The following KLRD1 variants were observed in gnomAD, a reference collection of about 807,000 sequenced individuals.
KLRD1 encodes killer cell lectin like receptor D1, also known as natural killer cells antigen CD94.
A neutral mutation model predicts 22.6 loss-of-function variants in KLRD1; 21 were observed. That is an observed-to-expected ratio of 0.93 (90% CI 0.66 to 1.34). The LOEUF is 1.34. Among genes scored for constraint, KLRD1 ranks in the 40% most tolerant of loss-of-function variants. The pLI is 0.00. For synonymous variants in KLRD1, 59 were observed against 71.1 expected (o/e 0.83, Z 0.85); for missense variants, 183 against 208.6 (o/e 0.88, Z 0.76).
rs569684232 is a variant in KLRD1, at chr12:10,297,494, A to C, written c.-100-10484A>C. Among the ~76,000 whole-genome samples, 4 of 152,268 alleles carry C rather than the reference A, an allele frequency of 2.6e-5. No individual in the cohort carries two copies. In the South Asian group the frequency reaches 6.2e-4, roughly 24 times the overall value. ...TAAATTTCTGTCTTTACCTAAGAAT[A>C]TTAAAAACTCAATAAAATAATTTTA... On this transcript the variant is annotated intron_variant, in intron 1 of 5. Coordinates refer to the KLRD1 transcript ENST00000544747.
upstream of KLRD1, among the ~76,000 whole-genome samples, chr12:10,301,384 CAT>C (rs1949865021): frequency 6.6e-6 from 1 of 152,190 alleles, no homozygotes; most frequent in African/African-American, 2.4e-5. Flanking sequence ...GAAACTGACA[CAT>C]GATAGAATGC....
intron 1 of KLRD1, among the ~76,000 whole-genome samples, chr12:10,245,247 A>G (rs967016155): frequency 6.6e-6 from 1 of 152,130 alleles, no homozygotes; most frequent in African/African-American, 2.4e-5. Context: ...AATCCCAGCT[A>G]CTCAGGAGGC....
Position 10,318,336 on chromosome 12 carries a change from T to A in KLRD1, c.*3543T>A, listed in dbSNP as rs1004891992. The A allele has an allele frequency of 6.6e-6, 1 of 152,170 alleles. No individual in the cohort carries two copies. Among genetic ancestry groups the A allele is most frequent in the Non-Finnish European group, 1.5e-5 (1 of 68,032 alleles). 9.4% of individuals were successfully genotyped at this position (152,170 alleles called of 1,614,324 possible). Reference sequence around the variant, plus strand: ...AATTTGTTTATTGATAGCTTCCATATGAGATAATTACAGATCTTGTCTCTG... The same window carrying A: ...AATTTGTTTATTGATAGCTTCCATAAGAGATAATTACAGATCTTGTCTCTG... On this transcript the variant is annotated 3_prime_UTR_variant, in exon 6 of 6. Transcript: ENST00000336164.
At position 10,322,900 on chromosome 12, in the gene KLRD1, T is replaced by C. The variant is rs550924619; in HGVS notation, c.*8107T>C. The C allele has an allele frequency of 6.6e-6, 1 of 152,322 alleles. No individual in the cohort carries two copies. The highest frequency in any genetic ancestry group is 2.1e-4 in the South Asian group (1 of 4,822). 9.4% of individuals were successfully genotyped at this position (152,322 alleles called of 1,614,324 possible). On this transcript the variant is annotated 3_prime_UTR_variant, in exon 6 of 6. Transcript: ENST00000336164. ...AATATAGGTTTATTTAGCCTGTTCT[T>C]TAATTTCATATAAATGGAAGCTTAG... is the stretch of plus-strand genomic sequence containing the variant.
chr12:10,244,760 G>A (rs1252161737), intron 1 of KLRD1, among the ~76,000 whole-genome samples: 1 of 151,768 alleles, frequency 6.6e-6, no homozygotes, highest in East Asian at 1.9e-4. Context: ...TCCAGCCTGG[G>A]CAACATGAGC....
intron 1 of KLRD1, among the ~76,000 whole-genome samples, chr12:10,270,655 A>T (rs1232601070): frequency 1.3e-5 from 2 of 152,148 alleles, no homozygotes; most frequent in Admixed American, 1.3e-4. Flanking sequence ...TCCTGAGAAG[A>T]TATTAATATT....
rs561043468 is a variant in KLRD1, at chr12:10,242,928, C to T, written c.-101+16695C>T. On this transcript the variant is annotated intron_variant, in intron 1 of 5. Transcript: ENST00000544747. ...ATTTTAAAAATGTGGTATATATACA[C>T]GGTGAAATACTATTCACCCTTAAAA... 9.9e-4 allele frequency among the ~76,000 whole-genome samples: 151 copies of T among 152,190 alleles called. 2 individuals are homozygous for T. Among genetic ancestry groups the T allele is most frequent in the African/African-American group, 3.3e-3 (136 of 41,514 alleles).
At chr12:10,303,002 C>T (rs887441577), upstream of KLRD1, among the ~76,000 whole-genome samples, 5 of 152,202 alleles carry the variant, frequency 3.3e-5, no homozygotes, top group African/African-American at 1.2e-4. Flanking sequence ...TATTATCATG[C>T]TTGCCTTAAG....
chr12:10,289,133 G>A (rs146639673), intron 1 of KLRD1, among the ~76,000 whole-genome samples: 521 of 152,226 alleles, frequency 3.4e-3, no homozygotes, highest in Admixed American at 5.0e-3. Flanking sequence ...GTGACATTAC[G>A]CGGGCTTTGG....
chr12:10,254,284 A>T lies in KLRD1; in HGVS notation c.-101+28051A>T, dbSNP rs7975901. On this transcript the variant is annotated intron_variant, in intron 1 of 5. Transcript: ENST00000544747. ...TCTACTAAAAATACAAAAAATTAGC[A>T]GGGCGCGGTGGAGGGCGCCTGTAGT... Among the ~76,000 whole-genome samples, 213 of 151,332 alleles carry T rather than the reference A, an allele frequency of 1.4e-3. 1 individual carries two copies. Among genetic ancestry groups the T allele is most frequent in the African/African-American group, 4.8e-3 (198 of 41,288 alleles).
At chr12:10,287,061 G>A (rs1326395050) in intron 1 of KLRD1, among the ~76,000 whole-genome samples, 3 of 152,182 alleles carry the variant, frequency 2.0e-5, no homozygotes, top group Middle Eastern at 3.4e-3. Flanking sequence ...GCTTGAACCC[G>A]GGAGGCAGAG....
chr12:10,315,017 T>C lies in KLRD1; in HGVS notation c.*224T>C, dbSNP rs927979850. The C allele has an allele frequency of 4.7e-5, 16 of 341,970 alleles. No homozygotes were observed. Among genetic ancestry groups the C allele is most frequent in the Non-Finnish European group, 7.1e-5 (14 of 195,920 alleles). 21.2% of individuals were successfully genotyped at this position (341,970 alleles called of 1,614,324 possible). A position where few individuals can be genotyped will look rare whatever the true frequency, so the allele number is the denominator to read the frequency against. On this transcript the variant is annotated 3_prime_UTR_variant, in exon 6 of 6. Transcript: ENST00000336164. ...TAAAATTAACATAAAGAATTTTGTATTTTCATTTAATGTATATATTTAATG... is the reference window on the plus strand; with the variant it reads ...TAAAATTAACATAAAGAATTTTGTACTTTCATTTAATGTATATATTTAATG...
At chr12:10,278,128 C>A (rs929323958) in intron 1 of KLRD1, among the ~76,000 whole-genome samples, 2 of 152,172 alleles carry the variant, frequency 1.3e-5, no homozygotes, top group East Asian at 1.9e-4. Flanking sequence ...GAGGAGGAGA[C>A]CACATTGCAC....
At chr12:10,302,056 T>C (rs967652868), upstream of KLRD1, among the ~76,000 whole-genome samples, 2 of 152,154 alleles carry the variant, frequency 1.3e-5, no homozygotes, top group African/African-American at 4.8e-5. Context: ...AATTACAAAA[T>C]TGACATCAAC....
At chr12:10,279,914 C>G (rs1056533523) in intron 1 of KLRD1, among the ~76,000 whole-genome samples, 1 of 152,184 alleles carries the variant, frequency 6.6e-6, no homozygotes, top group Non-Finnish European at 1.5e-5. Context: ...GTCACCACAT[C>G]CAGGCTTGCA....
intron 1 of KLRD1, among the ~76,000 whole-genome samples, chr12:10,268,716 T>A (rs761568599): frequency 6.6e-6 from 1 of 152,188 alleles, no homozygotes; most frequent in Non-Finnish European, 1.5e-5. Context: ...TGTTGAATAC[T>A]AATAGTTATA....
At chr12:10,261,037 G>T (rs1305654814) in intron 1 of KLRD1, among the ~76,000 whole-genome samples, 1 of 152,086 alleles carries the variant, frequency 6.6e-6, no homozygotes, top group Non-Finnish European at 1.5e-5. Context: ...TGCTCTTTAT[G>T]TGCATTTTTT....
intron 1 of KLRD1, among the ~76,000 whole-genome samples, chr12:10,276,145 C>G (rs1007291448): frequency 6.6e-6 from 1 of 152,076 alleles, no homozygotes; most frequent in African/African-American, 2.4e-5. Flanking sequence ...ATGATATACT[C>G]TCAATCAGTT....
chr12:10,298,318 G>A (rs372454052), intron 1 of KLRD1, among the ~76,000 whole-genome samples: 15 of 152,158 alleles, frequency 9.9e-5, no homozygotes, highest in African/African-American at 1.4e-4. Flanking sequence ...CAAAACATTC[G>A]AACTCTAAGT....
Sources: gnomAD v4.1 joint callset for allele counts (sites outside exome capture counted in the v4.1 genomes callset) on GRCh38, gnomAD v4.1.1 for gene constraint, MANE v1.5 for transcripts, NCBI Gene and HGNC (gene_info 2026-07-23, HGNC 2026-07-21) for gene names.